ZNF91: variants seen among roughly 807,000 people sequenced by gnomAD.
The protein encoded by ZNF91 is zinc finger protein 91.
ZNF91 carries 7 observed loss-of-function variants against 12.6 expected under a neutral mutation model. That is an observed-to-expected ratio of 0.55 (90% confidence interval 0.31 to 1.04). The LOEUF (loss-of-function observed/expected upper bound fraction) is 1.04, where lower values mean the gene tolerates loss of function less well. Among genes scored for constraint, ZNF91 ranks in the 50% least tolerant of loss-of-function variants. The probability of loss-of-function intolerance (pLI) is 0.05; values close to 1 mark genes in which losing one functional copy is unlikely to be tolerated. For missense variants in ZNF91, 1,217 were observed against 1,385.4 expected, an observed-to-expected ratio of 0.88 and a Z score of 1.93; for synonymous variants, 453 against 462.6, an observed-to-expected ratio of 0.98 and a Z score of 0.27.
intron 3 of ZNF91, among the ~76,000 whole-genome samples, chr19:23,346,304 G>A (rs1211709341): frequency 6.6e-6 from 1 of 151,972 alleles, no homozygotes; most frequent in African/African-American, 2.4e-5. Flanking sequence ...TCAGGTGCAT[G>A]CCAATACAAT....
downstream of ZNF91, chr19:23,338,697 AG>A (rs1346423343): frequency 6.6e-6 from 1 of 152,200 alleles, no homozygotes; most frequent in East Asian, 1.9e-4. Context: ...ACATTATGAT[AG>A]TAACAAAACC....
upstream of ZNF91, among the ~76,000 whole-genome samples, chr19:23,310,841 A>G (rs755275141): frequency 1.3e-5 from 2 of 152,138 alleles, no homozygotes; most frequent in Non-Finnish European, 2.9e-5. Flanking sequence ...ATATCGCTGG[A>G]CTCAACACCA....
chr19:23,369,311 G>GA (rs895531729), intron 3 of ZNF91, among the ~76,000 whole-genome samples: 37 of 140,888 alleles, frequency 2.6e-4, no homozygotes, highest in Middle Eastern at 3.5e-3. Context: ...ATTTGTCTCA[G>GA]AAAAAAAAAA....
intron 1 of ZNF91, among the ~76,000 whole-genome samples, chr19:23,323,552 T>G (rs1336577985): frequency 6.7e-6 from 1 of 148,746 alleles, no homozygotes; most frequent in Non-Finnish European, 1.5e-5. Flanking sequence ...TTCTCTCCTC[T>G]TCCTTTTTCC....
intron 1 of ZNF91, among the ~76,000 whole-genome samples, chr19:23,333,151 T>C (rs1351766516): frequency 6.6e-6 from 1 of 152,172 alleles, no homozygotes; most frequent in Non-Finnish European, 1.5e-5. Flanking sequence ...CTGAGCCCTA[T>C]TCAAGGACCC....
intron 3 of ZNF91, among the ~76,000 whole-genome samples, chr19:23,368,609 AGAT>A (rs1201051429): frequency 6.6e-6 from 1 of 150,922 alleles, no homozygotes; most frequent in African/African-American, 2.4e-5. Flanking sequence ...CCAAATTCTT[AGAT>A]ACAACATTAA....
chr19:23,369,940 C>T (rs559201588), intron 3 of ZNF91, among the ~76,000 whole-genome samples: 6 of 149,154 alleles, frequency 4.0e-5, no homozygotes, highest in East Asian at 2.0e-4. Flanking sequence ...GACCTTCCCT[C>T]CACTATTGTC....
At chr19:23,349,828 T>G (rs537551510) in intron 3 of ZNF91, among the ~76,000 whole-genome samples, 1 of 152,026 alleles carries the variant, frequency 6.6e-6, no homozygotes, top group Admixed American at 6.6e-5. Flanking sequence ...TAATAATAAT[T>G]TAAAACAAAC....
At chr19:23,366,650 C>T (rs1969026437) in intron 3 of ZNF91, among the ~76,000 whole-genome samples, 1 of 152,176 alleles carries the variant, frequency 6.6e-6, no homozygotes, top group Non-Finnish European at 1.5e-5. Flanking sequence ...GTACACACCA[C>T]AAGATAACAG....
chr19:23,335,539 C>G (rs1342119668), downstream of ZNF91, among the ~76,000 whole-genome samples: 4 of 152,208 alleles, frequency 2.6e-5, no homozygotes, highest in East Asian at 7.7e-4. Context: ...CGCCCCTCCC[C>G]CAACCTCGCT....
intron 1 of ZNF91, among the ~76,000 whole-genome samples, chr19:23,378,920 C>T (rs573424415): frequency 2.6e-4 from 39 of 152,288 alleles, no homozygotes; most frequent in African/African-American, 8.2e-4. Flanking sequence ...CATCATTTTT[C>T]ACTCAAGTAC....
intron 3 of ZNF91, among the ~76,000 whole-genome samples, chr19:23,343,808 G>A (rs895873387): frequency 3.3e-5 from 5 of 152,152 alleles, no homozygotes; most frequent in Admixed American, 1.3e-4. Context: ...CCCACCACTC[G>A]CCCACTGACT....
At chr19:23,368,509 CATCTCTCTCTCT>C in intron 3 of ZNF91, among the ~76,000 whole-genome samples, 1 of 88,204 alleles carries the variant, frequency 1.1e-5, no homozygotes, top group African/African-American at 4.2e-5. Context: ...AGCGAAACTC[CATCTCTCTCTCT>C]CTCTCTCTCT....
chr19:23,378,479 T>A (rs1969583560), intron 1 of ZNF91, among the ~76,000 whole-genome samples: 1 of 152,090 alleles, frequency 6.6e-6, no homozygotes, highest in Non-Finnish European at 1.5e-5. Context: ...AAACAGAAAC[T>A]TAAATCTCAG....
chr19:23,305,882 T>C (rs1967390773), intron 3 of ZNF91, among the ~76,000 whole-genome samples: 1 of 152,250 alleles, frequency 6.6e-6, no homozygotes. Context: ...ACCTTGCCCC[T>C]GAAAGTGAAG....
chr19:23,333,178 T>A (rs192676335), intron 1 of ZNF91, among the ~76,000 whole-genome samples: 27 of 152,316 alleles, frequency 1.8e-4, no homozygotes, highest in Non-Finnish European at 3.2e-4. Flanking sequence ...AACCTCCTTT[T>A]GAAGAGATTT....
chr19:23,374,866 CTTA>C, intron 1 of ZNF91, 102 bp from the exon 2 acceptor site: 1 of 1,532,042 alleles, frequency 6.5e-7, no homozygotes, highest in East Asian at 2.3e-5. Flanking sequence ...CTGGTTCTGA[CTTA>C]TAAGAGTGGC....
At chr19:23,335,567 T>TCTCG (rs1967990950), downstream of ZNF91, among the ~76,000 whole-genome samples, 1 of 152,166 alleles carries the variant, frequency 6.6e-6, no homozygotes, top group African/African-American at 2.4e-5. Context: ...TGCAGTTTGA[T>TCTCG]CTCGGACTGC....
intron 3 of ZNF91, 65 bp downstream of exon 3, chr19:23,373,677 G>T: frequency 2.3e-6 from 3 of 1,318,210 alleles, no homozygotes; most frequent in Admixed American, 2.0e-5. Context: ...TCACTTTAAA[G>T]ACCTGCTTTC....
Sources: gnomAD v4.1 joint callset for allele counts (sites outside exome capture counted in the v4.1 genomes callset) on GRCh38, gnomAD v4.1.1 for gene constraint, MANE v1.5 for transcripts, NCBI Gene and HGNC (gene_info 2026-07-23, HGNC 2026-07-21) for gene names.